PODNL1: variants seen among roughly 807,000 people sequenced by gnomAD.
The protein encoded by PODNL1 is podocan-like protein 1.
A neutral mutation model predicts 45.1 loss-of-function variants in PODNL1; 50 were observed. That is an observed-to-expected ratio of 1.11 (90% CI 0.88 to 1.40). The LOEUF (loss-of-function observed/expected upper bound fraction) is 1.40, where lower values mean the gene tolerates loss of function less well. Ranked by LOEUF, PODNL1 falls within the 40% of genes most tolerant of loss-of-function variation. The pLI, the probability that PODNL1 is intolerant of heterozygous loss-of-function variation, is 0.00. For synonymous variants in PODNL1, 406 were observed against 372.5 expected, an observed-to-expected ratio of 1.09 and a Z score of -1.04; for missense variants, 788 against 793.3, an observed-to-expected ratio of 0.99 and a Z score of 0.08.
At position 13,931,463 on chromosome 19, in the gene PODNL1, C is replaced by T. The variant is rs1971936411; in HGVS notation, c.*274G>A. ...CAGAGCCCCCAAAGGGTGCCTGGTC[C>T]GTGCTGAGTGCTGGAAGGGTTTGGC... On this transcript the variant is annotated 3_prime_UTR_variant, in exon 10 of 10. Transcript: ENST00000588872. The T allele has an allele frequency of 8.4e-6, 3 of 358,970 alleles. No individual in the cohort carries two copies. The highest frequency in any genetic ancestry group is 8.2e-5 in the East Asian group (2 of 24,282). 22.2% of individuals were successfully genotyped at this position (358,970 alleles called of 1,614,324 possible).
At chr19:13,943,927 C>G (rs964411371) in intron 1 of PODNL1, among the ~76,000 whole-genome samples, 7 of 152,076 alleles carry the variant, frequency 4.6e-5, no homozygotes, top group Non-Finnish European at 8.8e-5. Context: ...ATCTACCTAT[C>G]TATTTGAGGG....
In PODNL1 at chr19:13,933,838, G is replaced by A. The variant is rs1415529773; in HGVS notation, c.767+40C>T. 4 of 1,533,814 alleles carry A rather than the reference G, an allele frequency of 2.6e-6. No individual in the cohort carries two copies. Among genetic ancestry groups the A allele is most frequent in the African/African-American group, 2.7e-5 (2 of 72,864 alleles). ...GGACTGAAGGTTGGGACCCCCGACT[G>A]TAAATTCTCAGCCCCTGCTGCCCCC... is the stretch of plus-strand genomic sequence containing the variant. On this transcript the variant is annotated intron_variant, in intron 7 of 9. Transcript: ENST00000588872. The surrounding 1 kb of genome is among the most constrained non-coding windows in gnomAD (Gnocchi z 5.2).
At chr19:13,934,865 G>C (rs111211986) in intron 5 of PODNL1, among the ~76,000 whole-genome samples, 1,996 of 152,176 alleles carry the variant, frequency 0.013, 42 homozygotes, top group African/African-American at 0.046. Context: ...GATTGTGTGT[G>C]TGCAGCCGAG....
upstream of PODNL1, chr19:13,939,988 A>C (rs1433355068): frequency 6.6e-6 from 1 of 152,120 alleles, no homozygotes; most frequent in East Asian, 1.9e-4. Flanking sequence ...TTGAGGTTAC[A>C]ATGAGCTATG....
At chr19:13,935,874 T>C (rs774076038) in intron 4 of PODNL1, 44 bp from the exon 5 acceptor site, 6 of 1,560,306 alleles carry the variant, frequency 3.8e-6, no homozygotes, top group Non-Finnish European at 5.2e-6. Context: ...TGGTGCGCCT[T>C]GGCCCCACCA....
In PODNL1 at chr19:13,935,759, C is replaced by G; in HGVS notation, c.456G>C (p.Glu152Asp). The change falls in exon 5 of 10, where the codon GAG becomes GAC. Residue 152 changes from glutamate (E) to aspartate (D), a missense_variant. Physicochemically the swap from Glu to Asp is conservative, Grantham distance 45. Transcript: ENST00000588872. ...VADLAANQVM[E>D]IFPLTFGEKP... ...TCTCCCCAAAGGTGAGGGGGAAGAT[C>G]TCCATCACTTGGTTGGCAGCCAGAT... is the stretch of plus-strand genomic sequence containing the variant. 1 of 1,594,284 alleles carries G rather than the reference C, an allele frequency of 6.3e-7. No homozygotes were observed.
chr19:13,952,390 C>T, intron 1 of PODNL1: 1 of 1,184,398 alleles, frequency 8.4e-7, no homozygotes, highest in Non-Finnish European at 1.1e-6. Context: ...GATGGACAGG[C>T]ATAGCGCGAG....
In PODNL1 at chr19:13,931,606, G is replaced by T; in HGVS notation, c.*131C>A. 1 of 989,568 alleles carries T rather than the reference G, an allele frequency of 1.0e-6. No individual in the cohort carries two copies. The highest frequency in any genetic ancestry group is 1.3e-6 in the Non-Finnish European group (1 of 767,756). The allele number at this position is 989,568 out of a possible 1,614,324, so 61.3% of individuals were successfully genotyped here. On this transcript the variant is annotated 3_prime_UTR_variant, in exon 10 of 10. Coordinates refer to ENST00000588872, the MANE Select transcript of PODNL1 (RefSeq NM_001370095.3). Reference sequence around the variant, plus strand: ...GTGTGCCTCTGTGTCTCGGCCAGTGGCAGGCAGAGCAGGCCCAGCCCTGGA... The same window carrying T: ...GTGTGCCTCTGTGTCTCGGCCAGTGTCAGGCAGAGCAGGCCCAGCCCTGGA...
chr19:13,951,886 G>A (rs1338133659), intron 1 of PODNL1, among the ~76,000 whole-genome samples: 1 of 152,224 alleles, frequency 6.6e-6, no homozygotes, highest in East Asian at 1.9e-4. Context: ...CTGCCACATC[G>A]AACTGTTTAA....
upstream of PODNL1, among the ~76,000 whole-genome samples, chr19:13,942,485 AAAT>A (rs1972685835): frequency 6.6e-6 from 1 of 152,140 alleles, no homozygotes. Flanking sequence ...TTGTTCCTGT[AAAT>A]AACCCACTGG....
In PODNL1 at chr19:13,937,899, C is replaced by T; in HGVS notation, c.111G>A (p.Arg37=). ...HLGESLQPLP[R]ACPLRCSCPR... is the part of the protein sequence containing the mutation. ...GGCAGGAGCAGCGCAGGGGACAGGC[C>T]CGGGGCAGGGGCTGCAAGCTCTCCC... Residue 37 remains arginine (R), a synonymous_variant, in exon 2 of 10, where the codon CGG becomes CGA. Transcript: ENST00000588872. The T allele has an allele frequency of 6.4e-7, 1 of 1,570,578 alleles. No individual in the cohort carries two copies. The highest frequency in any genetic ancestry group is 2.3e-5 in the East Asian group (1 of 43,158).
chr19:13,938,064 C>G, intron 1 of PODNL1, 58 bp from the exon 2 acceptor site: 1 of 1,456,490 alleles, frequency 6.9e-7, no homozygotes, highest in Non-Finnish European at 9.2e-7. Flanking sequence ...GCCATGGTGA[C>G]TGGAGCATCC....
chr19:13,935,654 C>G, intron 5 of PODNL1, 67 bp downstream of exon 5: 2 of 1,237,790 alleles, frequency 1.6e-6, no homozygotes, highest in Non-Finnish European at 2.2e-6. Flanking sequence ...TCCCTCATTG[C>G]TCCTAGAACC....
intron 6 of PODNL1, 97 bp downstream of exon 6, chr19:13,934,157 G>A: frequency 7.2e-7 from 1 of 1,396,748 alleles, no homozygotes; most frequent in African/African-American, 1.4e-5. Context: ...GCATTCTGAG[G>A]GGCAATTGAG....
At chr19:13,937,469 C>T (rs1174654894) in intron 2 of PODNL1, among the ~76,000 whole-genome samples, 45 of 145,320 alleles carry the variant, frequency 3.1e-4, no homozygotes, top group Admixed American at 9.7e-4. Context: ...CAACCCCACA[C>T]GCCACAACAT....
rs756759524 is a variant in PODNL1, at chr19:13,933,348, A to ATGCGGT, written c.869_874dup (p.Asn290_Arg291dup). 1.9e-5 allele frequency: 31 copies of ATGCGGT among 1,606,852 alleles called. No homozygotes were observed. The highest frequency in any genetic ancestry group is 2.4e-5 in the Non-Finnish European group (28 of 1,178,960). On this transcript the variant is annotated inframe_insertion, in exon 8 of 10. Coordinates refer to ENST00000588872, the MANE Select transcript of PODNL1 (RefSeq NM_001370095.3). The surrounding 1 kb of genome is among the most constrained non-coding windows in gnomAD (Gnocchi z 5.2). The stretch of plus-strand genomic sequence containing the variant: ...CAGCCGAGCCGCCTCCACCTGCCGG[A>ATGCGGT]TGCGGTTGCGGCCCAGGTGCAGGAT...
chr19:13,942,520 T>C (rs910251000), upstream of PODNL1, among the ~76,000 whole-genome samples: 1 of 152,098 alleles, frequency 6.6e-6, no homozygotes, highest in African/African-American at 2.4e-5. Context: ...TGCAACAAAC[T>C]CCCCTTCTGC....
chr19:13,945,179 A>G (rs1428699715), intron 1 of PODNL1, among the ~76,000 whole-genome samples: 1 of 152,082 alleles, frequency 6.6e-6, no homozygotes, highest in Non-Finnish European at 1.5e-5. Flanking sequence ...GGCCATGGGC[A>G]TGCACCACTG....
chr19:13,938,150 C>T (rs1476127451), intron 1 of PODNL1, 29 bp downstream of exon 1: 6 of 1,587,590 alleles, frequency 3.8e-6, no homozygotes, highest in African/African-American at 1.3e-5. Flanking sequence ...GCAGGCCCCA[C>T]CCTCAGACCC....
Sources: gnomAD v4.1 joint callset for allele counts (sites outside exome capture counted in the v4.1 genomes callset) on GRCh38, gnomAD v4.1.1 for gene constraint, Gnocchi (gnomAD v3.1) non-coding constraint, MANE v1.5 for transcripts, NCBI Gene and HGNC (gene_info 2026-07-23, HGNC 2026-07-21) for gene names.